FGD4: variants seen among roughly 807,000 people sequenced by gnomAD.
FGD4 encodes the protein FYVE, RhoGEF and PH domain containing 4.
In FGD4, 42 loss-of-function variants were observed where a neutral mutation model predicts 102.0. The ratio of observed to expected loss-of-function variants is 0.41; its 90% CI spans 0.32 to 0.53. The LOEUF (loss-of-function observed/expected upper bound fraction) is 0.53, where lower values mean the gene tolerates loss of function less well. Ranked by LOEUF, FGD4 falls within the 20% of genes least tolerant of loss-of-function variation. The pLI, the probability that FGD4 is intolerant of heterozygous loss-of-function variation, is 0.21. For synonymous variants in FGD4, 380 were observed against 375.7 expected, an observed-to-expected ratio of 1.01 and a Z score of -0.13; for missense variants, 902 against 1,078.2, an observed-to-expected ratio of 0.84 and a Z score of 2.29.
intron 4 of FGD4, among the ~76,000 whole-genome samples, chr12:32,594,396 G>A (rs1010895558): frequency 6.6e-6 from 1 of 152,184 alleles, no homozygotes; most frequent in African/African-American, 2.4e-5. Flanking sequence ...ATCACTCCCA[G>A]ATGGGACTGT....
intron 1 of FGD4, among the ~76,000 whole-genome samples, chr12:32,403,637 G>A (rs1940786916): frequency 6.9e-6 from 1 of 144,320 alleles, no homozygotes; most frequent in African/African-American, 2.6e-5. Flanking sequence ...TTACCCTGTC[G>A]CCAGGCTGGA....
intron 1 of FGD4, among the ~76,000 whole-genome samples, chr12:32,454,847 T>A (rs960791726): frequency 6.6e-6 from 1 of 152,214 alleles, no homozygotes; most frequent in Non-Finnish European, 1.5e-5. Context: ...GTTCTGACAG[T>A]GTATCCTGTG....
intron 1 of FGD4, chr12:32,502,413 A>G (rs1938297861): frequency 2.2e-6 from 2 of 892,130 alleles, no homozygotes; most frequent in Non-Finnish European, 1.3e-6. Flanking sequence ...TGGTCCAAGG[A>G]AAGTGAGCTC....
rs147150770 is a variant in FGD4 at position 32,547,970 on chromosome 12, T to C, written c.167-16167T>C. ...ATCCACCTGCCTCGGCCTCCCAAAG[T>C]GCTAGGATTACAGGGATGAGCCACT... On this transcript the variant is annotated intron_variant, in intron 1 of 16. Coordinates refer to ENST00000534526, the MANE Select transcript of FGD4 (RefSeq NM_001370298.3). 5.1e-3 allele frequency among the ~76,000 whole-genome samples: 777 copies of C among 152,304 alleles called. 7 individuals are homozygous for C. The highest frequency in any genetic ancestry group is 0.017 in the African/African-American group (710 of 41,560).
At chr12:32,476,975 G>A (rs1943598703) in intron 1 of FGD4, among the ~76,000 whole-genome samples, 1 of 152,154 alleles carries the variant, frequency 6.6e-6, no homozygotes. Flanking sequence ...TTGGTGAAAA[G>A]TAATTGTTTA....
intron 1 of FGD4, among the ~76,000 whole-genome samples, chr12:32,533,645 G>A (rs536171456): frequency 1.6e-4 from 25 of 152,222 alleles, no homozygotes; most frequent in African/African-American, 4.3e-4. Flanking sequence ...GGCTGGTTTC[G>A]AACTCCTGAC....
chr12:32,545,686 C>T (rs1943176600), intron 1 of FGD4, among the ~76,000 whole-genome samples: 1 of 152,212 alleles, frequency 6.6e-6, no homozygotes, highest in East Asian at 1.9e-4. Flanking sequence ...TAAGAGTAGG[C>T]TGAAGATGTT....
chr12:32,478,379 C>T (rs929589750), intron 1 of FGD4, among the ~76,000 whole-genome samples: 13 of 152,158 alleles, frequency 8.5e-5, no homozygotes, highest in African/African-American at 2.9e-4. Context: ...ATTGTCACGC[C>T]TCATCGTCCT....
chr12:32,470,207 C>T (rs1022421723), intron 1 of FGD4, among the ~76,000 whole-genome samples: 1 of 152,028 alleles, frequency 6.6e-6, no homozygotes, highest in African/African-American at 2.4e-5. Context: ...TTCAGAAAGC[C>T]TCCAAGTTCC....
intron 1 of FGD4, among the ~76,000 whole-genome samples, chr12:32,447,145 C>G (rs559443222): frequency 1.3e-5 from 2 of 152,316 alleles, no homozygotes; most frequent in Non-Finnish European, 2.9e-5. Context: ...TAAGGCATGT[C>G]TCCTAGCTCA....
intron 1 of FGD4, among the ~76,000 whole-genome samples, chr12:32,423,607 A>AAAAG (rs1328721510): frequency 2.0e-5 from 3 of 150,928 alleles, no homozygotes; most frequent in Non-Finnish European, 3.0e-5. Context: ...AAAAAAAAAA[A>AAAAG]AAAGAAAGAA....
intron 11 of FGD4, among the ~76,000 whole-genome samples, chr12:32,621,620 T>G (rs1189231743): frequency 1.3e-5 from 2 of 152,206 alleles, no homozygotes; most frequent in African/African-American, 4.8e-5. Flanking sequence ...ATTTACAGTT[T>G]TGGAATGTGG....
At chr12:32,400,048 C>G (rs1265704643) in intron 1 of FGD4, 89 bp downstream of exon 1, 2 of 1,390,120 alleles carry the variant, frequency 1.4e-6, no homozygotes, top group Admixed American at 3.3e-5. Flanking sequence ...TGCGCCCTCT[C>G]GTCCCCCGCT....
intron 1 of FGD4, among the ~76,000 whole-genome samples, chr12:32,404,070 G>A (rs1940816441): frequency 7.2e-6 from 1 of 139,472 alleles, no homozygotes; most frequent in African/African-American, 2.8e-5. Flanking sequence ...AGTTACTTGT[G>A]TTTAAGTTTT....
intron 1 of FGD4, among the ~76,000 whole-genome samples, chr12:32,466,659 G>C (rs1192580152): frequency 1.3e-5 from 2 of 152,046 alleles, no homozygotes; most frequent in Non-Finnish European, 2.9e-5. Flanking sequence ...CTTGAGGCCA[G>C]GAGTTCGAAA....
At chr12:32,559,246 T>C (rs527489795) in intron 1 of FGD4, among the ~76,000 whole-genome samples, 2 of 152,320 alleles carry the variant, frequency 1.3e-5, no homozygotes, top group Non-Finnish European at 2.9e-5. Context: ...GTTGCTATTA[T>C]CCAAGATGTT....
At chr12:32,595,078 A>G (rs1003473561) in intron 4 of FGD4, among the ~76,000 whole-genome samples, 6 of 151,874 alleles carry the variant, frequency 4.0e-5, no homozygotes, top group Admixed American at 3.9e-4. Flanking sequence ...AGGGCTTACA[A>G]TGTTGATGCA....
chr12:32,546,555 T>C (rs1943237219), intron 1 of FGD4, among the ~76,000 whole-genome samples: 1 of 152,218 alleles, frequency 6.6e-6, no homozygotes, highest in African/African-American at 2.4e-5. Flanking sequence ...AAAGGTGAAA[T>C]GAGGTGTGCT....
chr12:32,469,524 A>C (rs902405821), intron 1 of FGD4, among the ~76,000 whole-genome samples: 1 of 151,272 alleles, frequency 6.6e-6, no homozygotes, highest in Non-Finnish European at 1.5e-5. Flanking sequence ...CAGGCAGTCT[A>C]CCCGCCTCAG....
Sources: gnomAD v4.1 joint callset for allele counts (sites outside exome capture counted in the v4.1 genomes callset) on GRCh38, gnomAD v4.1.1 for gene constraint, MANE v1.5 for transcripts, NCBI Gene and HGNC (gene_info 2026-07-23, HGNC 2026-07-21) for gene names.